DOCK4: variants seen among roughly 807,000 people sequenced by gnomAD.
DOCK4 encodes the protein dedicator of cytokinesis 4, also known as dedicator of cytokinesis protein 4.
DOCK4 carries 97 observed loss-of-function variants against 268.1 expected under a neutral mutation model. The observed-to-expected ratio is 0.36, with a 90% confidence interval of 0.31 to 0.43. The LOEUF is 0.43. DOCK4 is among the 20% of genes least tolerant of loss of function. The pLI is 1.00. For synonymous variants in DOCK4, 954 were observed against 887.2 expected (o/e 1.08, Z -1.34); for missense variants, 2,145 against 2,455.7 (o/e 0.87, Z 2.67).
At chr7:111,816,258 T>C (rs1243023765) in intron 27 of DOCK4, among the ~76,000 whole-genome samples, 1 of 152,180 alleles carries the variant, frequency 6.6e-6, no homozygotes, top group East Asian at 1.9e-4. Context: ...GAAATACCTT[T>C]GTGGATAAAC....
chr7:111,799,708 C>A (rs1800134660), intron 30 of DOCK4, among the ~76,000 whole-genome samples: 1 of 152,218 alleles, frequency 6.6e-6, no homozygotes, highest in African/African-American at 2.4e-5. Flanking sequence ...TCCTACCTAA[C>A]CTTTCCTCTC....
intron 30 of DOCK4, among the ~76,000 whole-genome samples, chr7:111,790,882 C>A (rs886070633): frequency 6.6e-6 from 1 of 151,142 alleles, no homozygotes; most frequent in Admixed American, 6.6e-5. Flanking sequence ...CACGGTGAAA[C>A]CCCATCTCTA....
chr7:111,795,033 T>A (rs558289238), intron 30 of DOCK4, among the ~76,000 whole-genome samples: 7 of 152,200 alleles, frequency 4.6e-5, no homozygotes, highest in African/African-American at 1.4e-4. Context: ...GGATTTTTTT[T>A]ATCTTTCTGA....
chr7:111,835,102 G>C (rs1586129862), intron 25 of DOCK4, among the ~76,000 whole-genome samples: 1 of 152,188 alleles, frequency 6.6e-6, no homozygotes, highest in Non-Finnish European at 1.5e-5. Context: ...TTTTGAAGAA[G>C]GTAAAATGTA....
intron 1 of DOCK4, among the ~76,000 whole-genome samples, chr7:112,008,341 T>G (rs1801020758): frequency 6.6e-6 from 1 of 152,220 alleles, no homozygotes; most frequent in Non-Finnish European, 1.5e-5. Flanking sequence ...AAAAAATATC[T>G]GTCAGCTGAA....
chr7:111,732,877 G>A (rs1056961481), intron 51 of DOCK4, among the ~76,000 whole-genome samples: 1 of 152,196 alleles, frequency 6.6e-6, no homozygotes, highest in Non-Finnish European at 1.5e-5. Flanking sequence ...TTATCCCCTG[G>A]TGGTGGGTCT....
Position 111,788,679 on chromosome 7 carries a change from G to C in DOCK4, c.3384C>G (p.Arg1128=), listed in dbSNP as rs1472305166. ...MSEGKGDETY[R]ELFNSIIPLF... ...TTACTCACATACTGTTGAAGAGCTC[G>C]CGGTATGTTTCGTCACCTTTGCCTT... Residue 1128 remains arginine (R), a synonymous_variant, in exon 32 of 53, where the codon CGC becomes CGG. Transcript: ENST00000428084. 6.3e-7 allele frequency: 1 copy of C among 1,587,068 alleles called. No homozygotes were observed. The highest frequency in any genetic ancestry group is 8.6e-7 in the Non-Finnish European group (1 of 1,164,954).
chr7:112,042,800 A>G (rs1804506288), intron 1 of DOCK4, among the ~76,000 whole-genome samples: 1 of 152,138 alleles, frequency 6.6e-6, no homozygotes, highest in Non-Finnish European at 1.5e-5. Flanking sequence ...CACGGTTGGG[A>G]GGTGGTGGGG....
intron 20 of DOCK4, among the ~76,000 whole-genome samples, chr7:111,870,473 C>T (rs1301297379): frequency 2.0e-5 from 3 of 151,866 alleles, no homozygotes; most frequent in Non-Finnish European, 4.4e-5. Flanking sequence ...AAGTATGCAC[C>T]ACCACGCCCA....
chr7:111,758,505 A>G (rs774632398), intron 41 of DOCK4, 119 bp downstream of exon 41: 31 of 1,140,874 alleles, frequency 2.7e-5, no homozygotes, highest in Non-Finnish European at 3.6e-5. Flanking sequence ...AATGATTTAT[A>G]TAGTCCCTTC....
intron 1 of DOCK4, among the ~76,000 whole-genome samples, chr7:112,104,804 T>C: frequency 6.6e-6 from 1 of 152,122 alleles, no homozygotes; most frequent in East Asian, 1.9e-4. Flanking sequence ...CAACAAATAC[T>C]TATCTCACAG....
chr7:111,952,861 T>G (rs1434949712), intron 8 of DOCK4, among the ~76,000 whole-genome samples: 1 of 152,128 alleles, frequency 6.6e-6, no homozygotes, highest in African/African-American at 2.4e-5. Flanking sequence ...CTCAAACCAA[T>G]TTTACAAAAA....
At chr7:111,902,655 C>T (rs1328066515) in intron 13 of DOCK4, among the ~76,000 whole-genome samples, 1 of 152,024 alleles carries the variant, frequency 6.6e-6, no homozygotes, top group African/African-American at 2.4e-5. Context: ...CAAAGCACAA[C>T]TAGAAAGTTT....
At chr7:112,159,983 A>G (rs1380325592) in intron 1 of DOCK4, among the ~76,000 whole-genome samples, 1 of 152,024 alleles carries the variant, frequency 6.6e-6, no homozygotes, top group Non-Finnish European at 1.5e-5. Flanking sequence ...AAATTTCTGG[A>G]GTACCAACAT....
At chr7:111,952,412 C>G (rs1299912031) in intron 8 of DOCK4, among the ~76,000 whole-genome samples, 1 of 152,108 alleles carries the variant, frequency 6.6e-6, no homozygotes, top group South Asian at 2.1e-4. Flanking sequence ...TCCTTGTAAA[C>G]CACTCAGTAG....
At chr7:111,760,099 G>A (rs1485493000) in intron 40 of DOCK4, 82 bp downstream of exon 40, 6 of 1,550,924 alleles carry the variant, frequency 3.9e-6, no homozygotes. Flanking sequence ...GGGACTGGTG[G>A]CTGAACAACC....
At chr7:111,800,536 A>G (rs1800197179) in intron 30 of DOCK4, among the ~76,000 whole-genome samples, 1 of 152,196 alleles carries the variant, frequency 6.6e-6, no homozygotes, top group African/African-American at 2.4e-5. Flanking sequence ...AGTAAAAACA[A>G]AACGGTATTG....
At chr7:111,938,892 T>C (rs1794962272) in intron 11 of DOCK4, among the ~76,000 whole-genome samples, 3 of 147,452 alleles carry the variant, frequency 2.0e-5, no homozygotes, top group South Asian at 4.3e-4. Context: ...GAAAATCTCT[T>C]GAACCTGGGA....
intron 38 of DOCK4, 80 bp downstream of exon 38, chr7:111,766,952 G>C (rs1381146854): frequency 2.7e-6 from 3 of 1,129,496 alleles, no homozygotes; most frequent in Non-Finnish European, 3.9e-6. Flanking sequence ...AGACCACAAA[G>C]TTAATTTCAT....
Sources: allele counts gnomAD v4.1 joint callset (sites outside exome capture counted in the v4.1 genomes callset), GRCh38; gene constraint gnomAD v4.1.1; transcripts MANE v1.5; gene names NCBI Gene and HGNC (gene_info 2026-07-23, HGNC 2026-07-21).